FAT1: variants seen among roughly 807,000 people sequenced by gnomAD.
The protein encoded by FAT1 is FAT atypical cadherin 1, also known as protocadherin Fat 1.
Under a neutral mutation model 329.8 loss-of-function variants are expected in FAT1, and 171 were observed. The observed-to-expected ratio is 0.52, with a 90% confidence interval of 0.46 to 0.59. The LOEUF is 0.59. Ranked by LOEUF, FAT1 falls within the 20% of genes least tolerant of loss-of-function variation. The probability of loss-of-function intolerance (pLI) is 0.00; values close to 1 mark genes in which losing one functional copy is unlikely to be tolerated. For synonymous variants in FAT1, 2,233 were observed against 2,228.6 expected, an observed-to-expected ratio of 1.00 and a Z score of -0.06; for missense variants, 5,672 against 5,774.4, an observed-to-expected ratio of 0.98 and a Z score of 0.57.
chr4:186,589,244 T>G (rs1189227156), intron 26 of FAT1, 24 bp from the exon 27 acceptor site: 22 of 1,575,654 alleles, frequency 1.4e-5, no homozygotes, highest in Non-Finnish European at 1.9e-5. Flanking sequence ...AAAACAGATG[T>G]CAGTGTGTTT....
intron 2 of FAT1, among the ~76,000 whole-genome samples, chr4:186,677,521 A>G (rs181658111): frequency 1.9e-3 from 283 of 151,912 alleles, no homozygotes; most frequent in Non-Finnish European, 3.5e-3. Context: ...ACGGTGTATC[A>G]TATAACGGAA....
At chr4:186,679,416 CAAAAAAAAAA>C (rs1169141587) in intron 2 of FAT1, among the ~76,000 whole-genome samples, 17 of 50,306 alleles carry the variant, frequency 3.4e-4, no homozygotes, top group Non-Finnish European at 4.2e-4. Context: ...GACTCTGTCT[CAAAAAAAAAA>C]AAAAAAAAAA....
intron 12 of FAT1, among the ~76,000 whole-genome samples, chr4:186,613,907 A>C (rs1739581370): frequency 6.6e-6 from 1 of 152,160 alleles, no homozygotes; most frequent in Non-Finnish European, 1.5e-5. Context: ...GTTATATTTT[A>C]ATTTCTGAGG....
intron 1 of FAT1, among the ~76,000 whole-genome samples, chr4:186,713,325 C>T (rs1745052085): frequency 6.6e-6 from 1 of 152,030 alleles, no homozygotes; most frequent in African/African-American, 2.4e-5. Context: ...GTAGGATGTC[C>T]CTCAACTGGA....
At chr4:186,646,282 C>T (rs1005277197) in intron 3 of FAT1, among the ~76,000 whole-genome samples, 18 of 152,084 alleles carry the variant, frequency 1.2e-4, no homozygotes, top group Non-Finnish European at 4.4e-5. Context: ...TCTGGTCACC[C>T]GATACCTTCC....
chr4:186,674,194 TTCC>T (rs1173302290), intron 2 of FAT1, among the ~76,000 whole-genome samples: 3 of 152,222 alleles, frequency 2.0e-5, no homozygotes, highest in Non-Finnish European at 4.4e-5. Context: ...TCTCCCCATT[TTCC>T]ATATTCAGAA....
intron 21 of FAT1, 71 bp downstream of exon 21, chr4:186,601,198 A>C (rs1335084758): frequency 1.5e-6 from 2 of 1,354,676 alleles, no homozygotes; most frequent in Non-Finnish European, 2.0e-6. Context: ...GCAAATTAAC[A>C]ATCTGAATAT....
At chr4:186,610,708 A>T (rs1229580489) in intron 14 of FAT1, among the ~76,000 whole-genome samples, 2 of 65,140 alleles carry the variant, frequency 3.1e-5, no homozygotes, top group Non-Finnish European at 2.7e-5. Context: ...TATAAATATA[A>T]ATTTATATAA....
intron 1 of FAT1, among the ~76,000 whole-genome samples, chr4:186,712,958 T>C (rs1745036800): frequency 6.6e-6 from 1 of 152,154 alleles, no homozygotes; most frequent in Non-Finnish European, 1.5e-5. Flanking sequence ...GGGCACATCC[T>C]GGGAGAGAAC....
chr4:186,630,042 T>C (rs1740515391), intron 7 of FAT1, among the ~76,000 whole-genome samples: 6 of 152,188 alleles, frequency 3.9e-5, no homozygotes. Flanking sequence ...TAGAAAGAAC[T>C]GGAAGTCAAA....
chr4:186,615,542 C>T (rs1015476470), intron 11 of FAT1, among the ~76,000 whole-genome samples: 1 of 152,164 alleles, frequency 6.6e-6, no homozygotes, highest in Non-Finnish European at 1.5e-5. Flanking sequence ...CATCACTTCA[C>T]TCTCTGATCT....
chr4:186,699,738 T>C (rs1286519864), intron 2 of FAT1, among the ~76,000 whole-genome samples: 5 of 143,116 alleles, frequency 3.5e-5, no homozygotes, highest in South Asian at 4.4e-4. Context: ...AAAATAACAG[T>C]ACACAAAACA....
rs1739466062 is a variant in FAT1, at chr4:186,611,891, T to C, written c.9464-116A>G. 5.5e-6 allele frequency: 4 copies of C among 727,256 alleles called. No homozygotes were observed. In the South Asian group the frequency reaches 5.8e-5, roughly 11 times the overall value. 45.1% of individuals were successfully genotyped at this position (727,256 alleles called of 1,614,324 possible). On this transcript the variant is annotated intron_variant, in intron 13 of 26. Transcript: ENST00000441802. ...CAGGCTGGAGTGCAGTGGCGTGATC[T>C]TGGCTCACTGCAACCTCTGTCCCCC...
intron 2 of FAT1, among the ~76,000 whole-genome samples, chr4:186,677,842 T>C (rs922318608): frequency 6.6e-6 from 1 of 152,168 alleles, no homozygotes; most frequent in Admixed American, 6.5e-5. Context: ...AAGACAAATC[T>C]TGCTGGAGAC....
intron 12 of FAT1, 115 bp downstream of exon 12, chr4:186,614,076 A>G: frequency 1.2e-6 from 1 of 838,380 alleles, no homozygotes; most frequent in Non-Finnish European, 1.8e-6. Context: ...GGAGCATCAG[A>G]ATACATTTGA....
At chr4:186,602,726 G>A (rs1738873414) in intron 20 of FAT1, among the ~76,000 whole-genome samples, 177 bp downstream of exon 20, 1 of 152,288 alleles carries the variant, frequency 6.6e-6, no homozygotes, top group East Asian at 1.9e-4. Flanking sequence ...ACCAAGGGGT[G>A]TGCTGTAACA....
intron 2 of FAT1, among the ~76,000 whole-genome samples, chr4:186,674,085 A>C (rs1439456793): frequency 6.6e-6 from 1 of 152,216 alleles, no homozygotes; most frequent in Non-Finnish European, 1.5e-5. Flanking sequence ...ACGCAATTTC[A>C]GTGTTGATTA....
At chr4:186,689,079 T>G (rs1743627523) in intron 2 of FAT1, among the ~76,000 whole-genome samples, 1 of 152,262 alleles carries the variant, frequency 6.6e-6, no homozygotes, top group Non-Finnish European at 1.5e-5. Flanking sequence ...GAATTAATTA[T>G]ACATGTTAGC....
chr4:186,667,206 C>T (rs887933286), intron 2 of FAT1, among the ~76,000 whole-genome samples: 1 of 152,146 alleles, frequency 6.6e-6, no homozygotes, highest in African/African-American at 2.4e-5. Context: ...TAGTTCGGGC[C>T]GTAAGCGTCC....
Sources: allele counts gnomAD v4.1 joint callset (sites outside exome capture counted in the v4.1 genomes callset), GRCh38; gene constraint gnomAD v4.1.1; transcripts MANE v1.5; gene names NCBI Gene and HGNC (gene_info 2026-07-23, HGNC 2026-07-21).